FGF14: variants seen among roughly 807,000 people sequenced by gnomAD.
FGF14 encodes fibroblast growth factor homologous factor 4.
In FGF14, 5 loss-of-function variants were observed where a neutral mutation model predicts 25.5. The observed-to-expected ratio is 0.20, with a 90% CI of 0.10 to 0.41. The LOEUF is 0.41. Among genes scored for constraint, FGF14 ranks in the 10% least tolerant of loss-of-function variants. FGF14 has a pLI of 1.00. For missense variants in FGF14, 222 were observed against 320.1 expected (o/e 0.69, Z 2.34); for synonymous variants, 138 against 118.3 (o/e 1.17, Z -1.08).
At chr13:102,262,506 T>G (rs2052767616) in intron 1 of FGF14, among the ~76,000 whole-genome samples, 1 of 152,164 alleles carries the variant, frequency 6.6e-6, no homozygotes, top group African/African-American at 2.4e-5. Context: ...GGGTAATTGT[T>G]TATTTTAAAA....
chr13:101,797,694 T>C (rs1290269266), intron 3 of FGF14, among the ~76,000 whole-genome samples: 2 of 150,840 alleles, frequency 1.3e-5, no homozygotes, highest in African/African-American at 2.4e-5. Context: ...AAATGAAGAT[T>C]TGCAACCTTA....
chr13:102,355,334 T>C (rs1387903968), intron 1 of FGF14, among the ~76,000 whole-genome samples: 1 of 152,128 alleles, frequency 6.6e-6, no homozygotes, highest in African/African-American at 2.4e-5. Context: ...CAGGTATCCC[T>C]GCACTCACAA....
At chr13:102,214,324 G>A (rs1028601398) in intron 1 of FGF14, among the ~76,000 whole-genome samples, 6 of 152,154 alleles carry the variant, frequency 3.9e-5, no homozygotes, top group South Asian at 2.1e-4. Context: ...AAGCTATCAC[G>A]CAGTGTCATT....
chr13:102,304,424 A>G lies in FGF14; in HGVS notation c.208+97047T>C, dbSNP rs145450001. Among the ~76,000 whole-genome samples the G allele has an allele frequency of 6.2e-3, 942 of 152,228 alleles. 11 individuals are homozygous for G. The highest frequency in any genetic ancestry group is 0.021 in the African/African-American group (885 of 41,542). ...GATTCTTCCCTAACACGGGTTCTCT[A>G]TTCAACCCTAAATACATTGAAATTG... On this transcript the variant is annotated intron_variant, in intron 1 of 4. Transcript: ENST00000376131.
rs150924690 is a variant in FGF14 at position 102,120,478 on chromosome 13, G to C, written c.209-245182C>G. Among the ~76,000 whole-genome samples the C allele has an allele frequency of 3.2e-3, 481 of 152,296 alleles. 1 individual carries two copies. The highest frequency in any genetic ancestry group is 0.011 in the African/African-American group (447 of 41,560). ...TGGGACCCAGGGACACAGGACATAA[G>C]TAGATAGGCCTAGGCCACTACCAGT... On this transcript the variant is annotated intron_variant, in intron 1 of 4. Coordinates refer to the FGF14 transcript ENST00000376131.
At chr13:101,781,886 G>A (rs1301295866) in intron 3 of FGF14, among the ~76,000 whole-genome samples, 1 of 152,206 alleles carries the variant, frequency 6.6e-6, no homozygotes, top group African/African-American at 2.4e-5. Flanking sequence ...TAAGCAAAGA[G>A]CCAAACCAGC....
At chr13:102,149,271 T>C (rs749272452) in intron 1 of FGF14, among the ~76,000 whole-genome samples, 8 of 152,100 alleles carry the variant, frequency 5.3e-5, no homozygotes, top group Non-Finnish European at 1.0e-4. Flanking sequence ...TGGCCTCTCT[T>C]ATGGCGAATT....
At chr13:101,889,828 GGCTCT>G (rs1277734004) in intron 1 of FGF14, among the ~76,000 whole-genome samples, 2 of 152,194 alleles carry the variant, frequency 1.3e-5, no homozygotes, top group Admixed American at 1.3e-4. Flanking sequence ...ACATGTTTCA[GGCTCT>G]GAGAGTGCTT....
chr13:102,286,684 A>G lies in FGF14; in HGVS notation c.208+114787T>C, dbSNP rs554294614. Among the ~76,000 whole-genome samples the G allele has an allele frequency of 2.6e-5, 4 of 152,308 alleles. No homozygotes were observed. In the East Asian group the frequency reaches 7.7e-4, roughly 29 times the overall value. ...AATGCTCAATAAGTCCATACTGACT[A>G]ATGAATTATTTCACTGTTGAGTCAG... On this transcript the variant is annotated intron_variant, in intron 1 of 4. Transcript: ENST00000376131.
chr13:102,035,199 T>A (rs1355713352), intron 1 of FGF14, among the ~76,000 whole-genome samples: 2 of 151,976 alleles, frequency 1.3e-5, no homozygotes, highest in African/African-American at 4.8e-5. Context: ...ATATCAGAAA[T>A]AAGGTTCTAA....
At chr13:102,289,541 A>C (rs2054273181) in intron 1 of FGF14, among the ~76,000 whole-genome samples, 1 of 152,194 alleles carries the variant, frequency 6.6e-6, no homozygotes, top group Non-Finnish European at 1.5e-5. Context: ...CAGTGTCTGT[A>C]CCCCTAAATT....
chr13:101,851,661 G>A (rs550843843), intron 3 of FGF14, among the ~76,000 whole-genome samples: 3 of 152,062 alleles, frequency 2.0e-5, no homozygotes, highest in Non-Finnish European at 2.9e-5. Flanking sequence ...TTCCTAGCTC[G>A]CCTTTCTCTC....
chr13:101,945,421 T>C (rs759155132), intron 1 of FGF14, among the ~76,000 whole-genome samples: 1 of 152,218 alleles, frequency 6.6e-6, no homozygotes. Flanking sequence ...CACGTAAGTC[T>C]TCACTTGCTC....
rs1475732953 is a variant in FGF14 at position 102,400,118 on chromosome 13, C to A, written c.208+1353G>T. On this transcript the variant is annotated intron_variant, in intron 1 of 4. Transcript: ENST00000376131. This position sits in a 1 kb window ranked among gnomAD's most constrained non-coding sequence, Gnocchi z 4.3. ...CGCAGGCGGCAGACCCCTCGGAGCGCGCCACCCCAGCTACGTTGCATTGGC... is the reference window on the plus strand; with the variant it reads ...CGCAGGCGGCAGACCCCTCGGAGCGAGCCACCCCAGCTACGTTGCATTGGC... Among the ~76,000 whole-genome samples, 1 of 152,092 alleles carries A rather than the reference C, an allele frequency of 6.6e-6. No individual in the cohort carries two copies. Among genetic ancestry groups the A allele is most frequent in the African/African-American group, 2.4e-5 (1 of 41,426 alleles).
intron 3 of FGF14, among the ~76,000 whole-genome samples, chr13:101,833,066 A>G (rs1285602272): frequency 1.3e-5 from 2 of 152,056 alleles, no homozygotes; most frequent in Admixed American, 6.6e-5. Flanking sequence ...GAGGTCTAGC[A>G]TGGGTAGCCC....
intron 1 of FGF14, among the ~76,000 whole-genome samples, chr13:102,158,774 A>C (rs1469741272): frequency 6.6e-6 from 1 of 152,178 alleles, no homozygotes; most frequent in Non-Finnish European, 1.5e-5. Context: ...CTGTGAAATC[A>C]GAGGGAATAG....
chr13:102,208,000 A>T (rs2050008520), intron 1 of FGF14, among the ~76,000 whole-genome samples: 1 of 152,172 alleles, frequency 6.6e-6, no homozygotes. Flanking sequence ...GTTTTTCTGT[A>T]ATTTTCTCTA....
At chr13:101,811,016 C>A (rs2041474692) in intron 3 of FGF14, among the ~76,000 whole-genome samples, 1 of 147,662 alleles carries the variant, frequency 6.8e-6, no homozygotes. Flanking sequence ...CATCCTGCTC[C>A]AAAACACACA....
intron 1 of FGF14, among the ~76,000 whole-genome samples, chr13:101,987,817 T>C (rs371454058): frequency 1.7e-4 from 26 of 152,056 alleles, no homozygotes; most frequent in Non-Finnish European, 2.5e-4. Flanking sequence ...ATAGTAGACA[T>C]CACCTGAGTC....
Sources: gnomAD v4.1 joint callset for allele counts (sites outside exome capture counted in the v4.1 genomes callset) on GRCh38, gnomAD v4.1.1 for gene constraint, Gnocchi (gnomAD v3.1) non-coding constraint, MANE v1.5 for transcripts, NCBI Gene and HGNC (gene_info 2026-07-23, HGNC 2026-07-21) for gene names.